The following CDK13 variants were observed in gnomAD, a reference collection of about 807,000 sequenced individuals.
CDK13 encodes the protein cyclin-dependent kinase 13.
Under a neutral mutation model 137.6 loss-of-function variants are expected in CDK13, and 40 were observed. The ratio of observed to expected loss-of-function variants is 0.29; its 90% CI spans 0.23 to 0.38. The LOEUF is 0.38. Ranked by LOEUF, CDK13 falls within the 10% of genes least tolerant of loss-of-function variation. The pLI is 1.00. For missense variants in CDK13, 1,704 were observed against 1,951.8 expected (o/e 0.87, Z 2.39); for synonymous variants, 869 against 760.1 (o/e 1.14, Z -2.36).
rs1436974108 is a variant in CDK13, at chr7:39,997,455, A to G, written c.1872-39A>G. On this transcript the variant is annotated intron_variant, in intron 2 of 13. Transcript: ENST00000181839. ...ATAAGCATATTTTTATTAGTCAACA[A>G]AATTTTTGTTTTATTTGTCTGACTT... The G allele has an allele frequency of 2.6e-6, 4 of 1,547,282 alleles. No homozygotes were observed. In the African/African-American group the frequency reaches 4.2e-5, roughly 16 times the overall value.
chr7:40,074,522 CAAAA>C (rs34228836), intron 9 of CDK13, among the ~76,000 whole-genome samples: 2 of 78,068 alleles, frequency 2.6e-5, no homozygotes, highest in South Asian at 4.5e-4. Flanking sequence ...GACACCATCT[CAAAA>C]AAAAAAAAAA....
intron 11 of CDK13, among the ~76,000 whole-genome samples, chr7:40,079,648 C>A (rs1218332487): frequency 6.6e-6 from 1 of 152,084 alleles, no homozygotes; most frequent in Non-Finnish European, 1.5e-5. Flanking sequence ...CCCAAGAATA[C>A]AAATCTAGTA....
chr7:40,061,633 A>T (rs1786150748), intron 7 of CDK13: 1 of 152,142 alleles, frequency 6.6e-6, no homozygotes, highest in Non-Finnish European at 1.5e-5. Context: ...AGTCCTTGTG[A>T]TTTGGAAAAC....
intron 11 of CDK13, among the ~76,000 whole-genome samples, chr7:40,079,196 G>A (rs1276908801): frequency 6.6e-6 from 1 of 152,084 alleles, no homozygotes; most frequent in African/African-American, 2.4e-5. Flanking sequence ...CGAGGTGGGC[G>A]GATCATGAGG....
chr7:39,959,951 C>CTG (rs891335916), intron 1 of CDK13, among the ~76,000 whole-genome samples: 9 of 150,628 alleles, frequency 6.0e-5, no homozygotes, highest in African/African-American at 2.0e-4. Context: ...TGATTTGTCT[C>CTG]TGTGTGTGTG....
chr7:40,062,236 T>G (rs949926407), intron 7 of CDK13: 1 of 152,344 alleles, frequency 6.6e-6, no homozygotes, highest in Non-Finnish European at 1.5e-5. Flanking sequence ...TGCTCAACAA[T>G]TGAGTTGATA....
chr7:39,997,411 T>A, intron 2 of CDK13, 83 bp from the exon 3 acceptor site: 5 of 1,008,150 alleles, frequency 5.0e-6, no homozygotes, highest in Non-Finnish European at 7.6e-6. Flanking sequence ...TCATGACTAT[T>A]GCTACTTAAA....
intron 3 of CDK13, chr7:39,998,753 T>C (rs568901153): frequency 6.6e-6 from 1 of 152,310 alleles, no homozygotes; most frequent in East Asian, 1.9e-4. Flanking sequence ...TTTTGAAGAA[T>C]GTAAGATTTT....
intron 7 of CDK13, among the ~76,000 whole-genome samples, chr7:40,060,539 A>G (rs779623348): frequency 6.6e-5 from 10 of 152,186 alleles, no homozygotes; most frequent in Non-Finnish European, 1.5e-4. Context: ...ACCTGTGCCC[A>G]GCATTGTTTG....
chr7:39,988,603 G>A (rs772459346), intron 2 of CDK13, among the ~76,000 whole-genome samples: 10 of 152,122 alleles, frequency 6.6e-5, no homozygotes, highest in Non-Finnish European at 1.3e-4. Flanking sequence ...GTTGGCCCTA[G>A]TTAATATACA....
At chr7:39,956,753 A>C (rs1034038200) in intron 1 of CDK13, among the ~76,000 whole-genome samples, 24 of 151,874 alleles carry the variant, frequency 1.6e-4, no homozygotes, top group African/African-American at 5.6e-4. Context: ...ATGCCTGGCT[A>C]ATTTTTGTGT....
At chr7:40,062,541 G>A (rs1584055519) in intron 7 of CDK13, 12 of 263,742 alleles carry the variant, frequency 4.5e-5, no homozygotes, top group Non-Finnish European at 8.0e-5. Flanking sequence ...CGGCCTCCCA[G>A]AGTGCTGGGA....
rs1208217141 is a variant in CDK13, at chr7:40,070,256, A to T, written c.2780+7156A>T. On this transcript the variant is annotated intron_variant, in intron 9 of 13. Coordinates refer to ENST00000181839, the MANE Select transcript of CDK13 (RefSeq NM_003718.5). ...CTCCATCTCAAAAATAAATAAAAAA[A>T]CAATTAGCTGAGTGTGGTGGCACAC... The T allele has an allele frequency of 2.0e-5, 3 of 150,844 alleles. No individual in the cohort carries two copies. In the East Asian group the frequency reaches 5.9e-4, roughly 30 times the overall value. The allele number at this position is 150,844 out of a possible 1,614,324, so 9.3% of individuals were successfully genotyped here. A position where few individuals can be genotyped will look rare whatever the true frequency, so the allele number is the denominator to read the frequency against.
chr7:39,954,013 G>A (rs967002217), intron 1 of CDK13, among the ~76,000 whole-genome samples: 2 of 152,174 alleles, frequency 1.3e-5, no homozygotes, highest in African/African-American at 4.8e-5. Flanking sequence ...AAATATTTAA[G>A]GTCGTTGAAT....
At chr7:40,027,923 C>T (rs969762630) in intron 5 of CDK13, among the ~76,000 whole-genome samples, 5 of 151,792 alleles carry the variant, frequency 3.3e-5, no homozygotes, top group Non-Finnish European at 5.9e-5. Context: ...AGAGAAGGAA[C>T]GTAGGCCCTT....
At chr7:40,090,395 C>A (rs974048140) in intron 12 of CDK13, among the ~76,000 whole-genome samples, 2 of 152,058 alleles carry the variant, frequency 1.3e-5, no homozygotes, top group Non-Finnish European at 2.9e-5. Context: ...TCTCTGTCAC[C>A]CAGGCTGGAG....
intron 1 of CDK13, chr7:39,986,482 G>T (rs535094780): frequency 6.6e-6 from 1 of 152,130 alleles, no homozygotes; most frequent in Admixed American, 6.6e-5. Flanking sequence ...CTAAGTCCTA[G>T]TTCAGACTAT....
At chr7:39,952,145 T>A (rs890125701) in intron 1 of CDK13, 4 of 310,334 alleles carry the variant, frequency 1.3e-5, no homozygotes, top group Non-Finnish European at 2.3e-5. Context: ...TTAACAGGTT[T>A]CTCTCAGTTG....
At chr7:40,030,274 TA>T (rs1785346114) in intron 5 of CDK13, among the ~76,000 whole-genome samples, 2 of 147,450 alleles carry the variant, frequency 1.4e-5, no homozygotes, top group African/African-American at 5.0e-5. Context: ...TATATATATA[TA>T]GAGAGAGAGA....
Sources: allele counts gnomAD v4.1 joint callset (sites outside exome capture counted in the v4.1 genomes callset), GRCh38; gene constraint gnomAD v4.1.1; transcripts MANE v1.5; gene names NCBI Gene and HGNC (gene_info 2026-07-23, HGNC 2026-07-21).